The following AKR1A1 variants were observed in gnomAD, a reference collection of about 807,000 sequenced individuals.
AKR1A1 encodes the protein aldo-keto reductase family 1 member A1.
A neutral mutation model predicts 39.2 loss-of-function variants in AKR1A1; 26 were observed. The ratio of observed to expected loss-of-function variants is 0.66; its 90% confidence interval spans 0.49 to 0.92. AKR1A1 has a LOEUF of 0.92. Ranked by LOEUF, AKR1A1 falls within the 40% of genes least tolerant of loss-of-function variation. The pLI, the probability that AKR1A1 is intolerant of heterozygous loss-of-function variation, is 0.00. For missense variants in AKR1A1, 378 were observed against 406.5 expected, an observed-to-expected ratio of 0.93 and a Z score of 0.60; for synonymous variants, 141 against 155.5, an observed-to-expected ratio of 0.91 and a Z score of 0.69.
At chr1:45,561,703 G>A (rs1557632879) in intron 1 of AKR1A1, 86 bp from the exon 2 acceptor site, 16 of 1,358,526 alleles carry the variant, frequency 1.2e-5, no homozygotes, top group Non-Finnish European at 1.7e-5. Context: ...TGCACTTGGC[G>A]CTTTGCAGTA....
chr1:45,556,500 G>A (rs767004835), intron 1 of AKR1A1, among the ~76,000 whole-genome samples: 2 of 152,088 alleles, frequency 1.3e-5, no homozygotes, highest in Non-Finnish European at 2.9e-5. Context: ...AGAATCACTT[G>A]AACCTGGGAA....
chr1:45,567,836 AAAAAAG>A (rs1282747521), intron 4 of AKR1A1, 140 bp from the exon 5 acceptor site: 4 of 795,664 alleles, frequency 5.0e-6, no homozygotes, highest in Non-Finnish European at 5.7e-6. Context: ...CAAAAAAAAA[AAAAAAG>A]AAAAAGCATG....
At chr1:45,556,740 G>A (rs1644210253) in intron 1 of AKR1A1, among the ~76,000 whole-genome samples, 2 of 152,108 alleles carry the variant, frequency 1.3e-5, no homozygotes, top group South Asian at 2.1e-4. Flanking sequence ...AGCCGAGCGT[G>A]GTGGCGGGCG....
intron 1 of AKR1A1, among the ~76,000 whole-genome samples, chr1:45,553,943 C>T (rs1014591757): frequency 6.6e-6 from 1 of 150,756 alleles, no homozygotes; most frequent in African/African-American, 2.4e-5. Flanking sequence ...TGCAGTGAGC[C>T]GAGATCACGC....
In AKR1A1 at chr1:45,568,666, C is replaced by T. The variant is rs922750860; in HGVS notation, c.734C>T (p.Pro245Leu). The T allele has an allele frequency of 6.2e-7, 1 of 1,613,606 alleles. No homozygotes were observed. The highest frequency in any genetic ancestry group is 1.1e-5 in the South Asian group (1 of 91,032). The change falls in exon 6 of 9, where the codon CCA becomes CTA. Residue 245 changes from proline to leucine, a missense_variant. Pro to Leu is a moderately conservative substitution (Grantham distance 98). Coordinates refer to ENST00000351829, the MANE Select transcript of AKR1A1 (RefSeq NM_153326.3). ...TTGGCTGAAAAGTATGGCCGATCTC[C>T]AGCTCAGATCTTGCTCAGGTATGGG... ...LALAEKYGRS[P>L]AQILLRWQVQ...
chr1:45,562,507 A>G (rs1644290926), intron 2 of AKR1A1, among the ~76,000 whole-genome samples: 1 of 124,754 alleles, frequency 8.0e-6, no homozygotes, highest in Non-Finnish European at 1.6e-5. Flanking sequence ...ACACGGGCCC[A>G]GCAAACTTTT....
chr1:45,566,436 A>C, intron 2 of AKR1A1, 133 bp from the exon 3 acceptor site: 1 of 1,384,850 alleles, frequency 7.2e-7, no homozygotes, highest in South Asian at 1.4e-5. Context: ...TTCATCTTCC[A>C]TCTTTTCACC....
chr1:45,568,511 A>G lies in AKR1A1; in HGVS notation c.579A>G (p.Gln193=), dbSNP rs945745909. The change falls in exon 6 of 9, where the codon CAA becomes CAG. Residue 193 remains glutamine (Q), a synonymous_variant. Transcript: ENST00000351829. ...LQVECHPYLA[Q]NELIAHCQAR... is the part of the protein sequence containing the mutation. ...TGGAATGCCACCCATACTTGGCTCA[A>G]AATGAGCTAATTGCCCACTGCCAAG... is the stretch of plus-strand genomic sequence containing the variant. 6.2e-7 allele frequency: 1 copy of G among 1,613,860 alleles called. No individual in the cohort carries two copies. Among genetic ancestry groups the G allele is most frequent in the African/African-American group, 1.3e-5 (1 of 75,042 alleles).
chr1:45,558,696 C>A (rs1156626968), intron 1 of AKR1A1, among the ~76,000 whole-genome samples: 1 of 151,884 alleles, frequency 6.6e-6, no homozygotes, highest in Non-Finnish European at 1.5e-5. Flanking sequence ...CCAAACCCGG[C>A]CTAATTTTTG....
intron 6 of AKR1A1, 79 bp from the exon 7 acceptor site, chr1:45,568,848 T>C (rs144111172): frequency 1.7e-4 from 270 of 1,554,858 alleles, no homozygotes; most frequent in Middle Eastern, 1.4e-3. Flanking sequence ...TCCAGGAGCT[T>C]AGGGAAGCTG....
chr1:45,566,523 GGCTGAAACCAACATA>G (rs773304209), intron 2 of AKR1A1, 31 bp from the exon 3 acceptor site: 1 of 1,610,334 alleles, frequency 6.2e-7, no homozygotes, highest in East Asian at 2.2e-5. Context: ...GACAGTAGAA[GGCTGAAACCAACATA>G]GCTGAAACCT....
chr1:45,568,988 C>CAG lies in AKR1A1; in HGVS notation c.816_817dup (p.Asn273ArgfsTer15), dbSNP rs1644381828. ...AAGTATCACTCCTTCTCGAATCCTT[C>CAG]AGAACATCAAGGTACTTGGTAATGG... On this transcript the variant is annotated frameshift_variant, in exon 7 of 9. Coordinates refer to ENST00000351829, the MANE Select transcript of AKR1A1 (RefSeq NM_153326.3). LOFTEE classifies it high-confidence loss of function. 2 of 1,614,054 alleles carry CAG rather than the reference C, an allele frequency of 1.2e-6. No individual in the cohort carries two copies. Among genetic ancestry groups the CAG allele is most frequent in the Non-Finnish European group, 1.7e-6 (2 of 1,180,010 alleles).
chr1:45,565,357 C>T (rs1468885239), intron 2 of AKR1A1, among the ~76,000 whole-genome samples: 6 of 151,334 alleles, frequency 4.0e-5, no homozygotes, highest in African/African-American at 1.2e-4. Context: ...CTCAAACTCC[C>T]GACCTCAGGT....
At chr1:45,554,865 A>G (rs927112686) in intron 1 of AKR1A1, among the ~76,000 whole-genome samples, 7 of 152,020 alleles carry the variant, frequency 4.6e-5, no homozygotes, top group South Asian at 2.1e-4. Context: ...TAATTTTCAT[A>G]TTTTTTGTAG....
intron 3 of AKR1A1, 71 bp from the exon 4 acceptor site, chr1:45,566,798 C>T (rs1303914899): frequency 1.9e-6 from 3 of 1,595,458 alleles, no homozygotes; most frequent in African/African-American, 1.3e-5. Context: ...CAGTTCCTCT[C>T]CCAGAGTTGA....
chr1:45,553,458 T>G (rs1410497701), intron 1 of AKR1A1, among the ~76,000 whole-genome samples: 2 of 151,584 alleles, frequency 1.3e-5, no homozygotes, highest in Non-Finnish European at 2.9e-5. Flanking sequence ...GATGGGGCAG[T>G]GGCAGTGGAG....
chr1:45,553,179 T>C (rs1320838125), intron 1 of AKR1A1, among the ~76,000 whole-genome samples: 1 of 151,510 alleles, frequency 6.6e-6, no homozygotes, highest in African/African-American at 2.4e-5. Context: ...ATACCAGCAC[T>C]TCGGGAGGCT....
intron 2 of AKR1A1, among the ~76,000 whole-genome samples, chr1:45,563,840 A>G (rs1644307768): frequency 1.3e-5 from 2 of 152,222 alleles, no homozygotes; most frequent in South Asian, 4.1e-4. Context: ...ATATAAATGT[A>G]GTTCTTAACT....
intron 2 of AKR1A1, among the ~76,000 whole-genome samples, 174 bp from the exon 3 acceptor site, chr1:45,566,395 T>G (rs576990802): frequency 3.9e-5 from 6 of 152,212 alleles, no homozygotes; most frequent in African/African-American, 1.4e-4. Context: ...CCCAAAGTGC[T>G]GGGATTACAG....
Sources: allele counts gnomAD v4.1 joint callset (sites outside exome capture counted in the v4.1 genomes callset), GRCh38; gene constraint gnomAD v4.1.1; transcripts MANE v1.5; gene names NCBI Gene and HGNC (gene_info 2026-07-23, HGNC 2026-07-21).